Variants in PLXNA2 observed in about 807,000 individuals in gnomAD.
The protein encoded by PLXNA2 is plexin A2.
A neutral mutation model predicts 193.5 loss-of-function variants in PLXNA2; 91 were observed. That is an observed-to-expected ratio of 0.47 (90% CI 0.40 to 0.56). PLXNA2 has a LOEUF of 0.56. Among genes scored for constraint, PLXNA2 ranks in the 20% least tolerant of loss-of-function variants. The probability of loss-of-function intolerance (pLI) is 0.00; values close to 1 mark genes in which losing one functional copy is unlikely to be tolerated. For synonymous variants in PLXNA2, 997 were observed against 1,027.3 expected (o/e 0.97, Z 0.56); for missense variants, 1,995 against 2,503.2 (o/e 0.80, Z 4.33).
At chr1:208,098,747 G>T in intron 6 of PLXNA2, 99 bp downstream of exon 6, 1 of 1,384,272 alleles carries the variant, frequency 7.2e-7, no homozygotes, top group South Asian at 1.4e-5. Flanking sequence ...TTTAAAGTCT[G>T]ATCAATTTAC....
At position 208,137,214 on chromosome 1, in the gene PLXNA2, C is replaced by T. The variant is rs1186273058; in HGVS notation, c.1506+5115G>A. On this transcript the variant is annotated intron_variant, in intron 4 of 31. Transcript: ENST00000367033. ...TTCCCAAGGCCCTTTCCAGTCTGTA[C>T]GGAGCCATTCTCCACTGTGACTCCC... Among the ~76,000 whole-genome samples the T allele has an allele frequency of 5.9e-5, 9 of 152,308 alleles. No homozygotes were observed. In the South Asian group the frequency reaches 1.0e-3, roughly 18 times the overall value.
intron 4 of PLXNA2, among the ~76,000 whole-genome samples, chr1:208,113,140 T>C (rs1667538654): frequency 6.6e-6 from 1 of 151,196 alleles, no homozygotes; most frequent in African/African-American, 2.4e-5. Context: ...GCCTAAGAAA[T>C]AACTAAAACA....
intron 1 of PLXNA2, among the ~76,000 whole-genome samples, chr1:208,235,755 C>T (rs1671830936): frequency 6.6e-6 from 1 of 152,154 alleles, no homozygotes; most frequent in African/African-American, 2.4e-5. Context: ...AAACCTCCTG[C>T]AGGATTGTGC....
intron 13 of PLXNA2, among the ~76,000 whole-genome samples, chr1:208,058,710 G>C (rs673287): frequency 0.14 from 21,467 of 152,174 alleles, 1,924 homozygotes; most frequent in East Asian, 0.3. Flanking sequence ...CATGGGGATT[G>C]TTCCCCTCCC....
intron 9 of PLXNA2, among the ~76,000 whole-genome samples, 195 bp from the exon 10 acceptor site, chr1:208,084,775 A>C (rs1358279116): frequency 6.6e-6 from 1 of 152,194 alleles, no homozygotes; most frequent in African/African-American, 2.4e-5. Flanking sequence ...CCCGTCCCAC[A>C]AGTTGTCCTG....
Position 208,244,256 on chromosome 1 carries a change from C to A in PLXNA2, c.-694G>T. 1 of 189,486 alleles carries A rather than the reference C, an allele frequency of 5.3e-6. No homozygotes were observed. Among genetic ancestry groups the A allele is most frequent in the South Asian group, 8.5e-5 (1 of 11,726 alleles). The allele number at this position is 189,486 out of a possible 1,614,324, so 11.7% of individuals were successfully genotyped here. ...AACTGCCCTCCGCCGCCCTCCCGCT[C>A]CAGTCTGGCGCGGATGCCGCTCCTC... On this transcript the variant is annotated 5_prime_UTR_variant, in exon 1 of 32. Coordinates refer to ENST00000367033, the MANE Select transcript of PLXNA2 (RefSeq NM_025179.4).
chr1:208,171,708 G>C (rs553775959), intron 3 of PLXNA2, among the ~76,000 whole-genome samples: 1 of 152,094 alleles, frequency 6.6e-6, no homozygotes, highest in East Asian at 2.0e-4. Context: ...TTTAAAATTA[G>C]CCAGGCATGA....
chr1:208,052,349 T>G lies in PLXNA2; in HGVS notation c.2971A>C (p.Asn991His). 6.2e-7 allele frequency: 1 copy of G among 1,613,346 alleles called. No individual in the cohort carries two copies. Among genetic ancestry groups the G allele is most frequent in the African/African-American group, 1.3e-5 (1 of 75,024 alleles). ...AGSSVAVYLG[N>H]QTCEFYGRSM... The stretch of plus-strand genomic sequence containing the variant: ...CACCCGTAGAACTCGCAGGTCTGGT[T>G]GCCCAGGTAGACTGCCACGCTGCTC... The change falls in exon 15 of 32, where the codon AAC becomes CAC. Residue 991 changes from asparagine (N) to histidine (H), a missense_variant. Around this residue, in one of 3 missense-constraint regions of PLXNA2, gnomAD observed 1,291 missense variants for 1,673.6 expected, o/e 0.77. Coordinates refer to ENST00000367033, the MANE Select transcript of PLXNA2 (RefSeq NM_025179.4).
chr1:208,075,245 G>T (rs998909986), intron 12 of PLXNA2, among the ~76,000 whole-genome samples: 2 of 152,018 alleles, frequency 1.3e-5, no homozygotes. Flanking sequence ...CGGAGGCGGG[G>T]GTTGTAGTGA....
rs990335529 is a variant in PLXNA2 at position 208,022,379 on chromosome 1, A to C, written c.*4864T>G. On this transcript the variant is annotated 3_prime_UTR_variant, in exon 32 of 32. Coordinates refer to ENST00000367033, the MANE Select transcript of PLXNA2 (RefSeq NM_025179.4). ...TACACAATAATATATTAGAATAACA[A>C]AAAACCCCACTTTATTGGAACATTT... is the stretch of plus-strand genomic sequence containing the variant. The C allele has an allele frequency of 1.3e-5, 2 of 152,618 alleles. No homozygotes were observed. Among genetic ancestry groups the C allele is most frequent in the African/African-American group, 2.4e-5 (1 of 41,446 alleles). 9.5% of individuals were successfully genotyped at this position (152,618 alleles called of 1,614,324 possible). A position where few individuals can be genotyped will look rare whatever the true frequency, so the allele number is the denominator to read the frequency against.
intron 4 of PLXNA2, among the ~76,000 whole-genome samples, chr1:208,124,892 G>A (rs1333360528): frequency 1.3e-5 from 2 of 152,138 alleles, no homozygotes; most frequent in African/African-American, 2.4e-5. Context: ...GCCAGGCACG[G>A]CAGTAATGGT....
chr1:208,195,996 G>A (rs1487801679), intron 3 of PLXNA2, among the ~76,000 whole-genome samples: 1 of 152,002 alleles, frequency 6.6e-6, no homozygotes, highest in Non-Finnish European at 1.5e-5. Flanking sequence ...GGCCTCATGG[G>A]GGAGTCTAGT....
At chr1:208,233,691 C>A (rs1327298633) in intron 1 of PLXNA2, among the ~76,000 whole-genome samples, 1 of 152,264 alleles carries the variant, frequency 6.6e-6, no homozygotes, top group Non-Finnish European at 1.5e-5. Context: ...CGCCTCCCAG[C>A]CAGCACAGTT....
At chr1:208,204,423 C>T (rs1222279861) in intron 3 of PLXNA2, among the ~76,000 whole-genome samples, 1 of 152,166 alleles carries the variant, frequency 6.6e-6, no homozygotes, top group African/African-American at 2.4e-5. Context: ...TACCACCCCA[C>T]CCTCTTCCAG....
chr1:208,196,609 G>T (rs2102574840), intron 3 of PLXNA2, among the ~76,000 whole-genome samples: 1 of 152,282 alleles, frequency 6.6e-6, no homozygotes, highest in Non-Finnish European at 1.5e-5. Flanking sequence ...TTGAATTGGA[G>T]AATGGACTCA....
chr1:208,081,456 G>A (rs1666340360), intron 11 of PLXNA2, among the ~76,000 whole-genome samples: 1 of 152,210 alleles, frequency 6.6e-6, no homozygotes, highest in Non-Finnish European at 1.5e-5. Flanking sequence ...GCTGAGGGTA[G>A]GAGGAGTGTG....
rs376838500 is a variant in PLXNA2, at chr1:208,046,030, G to A, written c.3343C>T (p.Arg1115Cys). Reference protein sequence around the residue: ...DYRPGLDTVERPDEFGFVFNN... With the variant: ...DYRPGLDTVECPDEFGFVFNN... The stretch of plus-strand genomic sequence containing the variant: ...AAGACAAATCCAAACTCATCTGGGC[G>A]TTCCACAGTGTCCAGGCCAGGGCGG... The change falls in exon 18 of 32, where the codon CGC becomes TGC. Residue 1115 changes from arginine (R) to cysteine (C), a missense_variant. Transcript: ENST00000367033. 5.6e-5 allele frequency: 90 copies of A among 1,614,150 alleles called. No individual in the cohort carries two copies. The highest frequency in any genetic ancestry group is 1.6e-4 in the Middle Eastern group (1 of 6,084).
intron 3 of PLXNA2, among the ~76,000 whole-genome samples, chr1:208,186,844 C>T (rs534827974): frequency 4.3e-4 from 65 of 151,214 alleles, no homozygotes; most frequent in African/African-American, 1.4e-3. Flanking sequence ...CTCAGCCTCC[C>T]GAGTAGCTGG....
At position 208,142,357 on chromosome 1, in the gene PLXNA2, C is replaced by T. The variant is rs780752137; in HGVS notation, c.1478G>A (p.Arg493His). 5.0e-5 allele frequency: 80 copies of T among 1,612,798 alleles called. No homozygotes were observed. The highest frequency in any genetic ancestry group is 3.2e-4 in the Admixed American group (19 of 59,776). Residue 493 changes from arginine to histidine, a missense_variant, in exon 4 of 32, where the codon CGC becomes CAC. Physicochemically the swap from Arg to His is conservative, Grantham distance 29 (BLOSUM62 0). This residue lies in a region of PLXNA2 where 702 missense variants were observed against 812.9 expected (regional missense o/e 0.86). Coordinates refer to ENST00000367033, the MANE Select transcript of PLXNA2 (RefSeq NM_025179.4). ...LRDMAFSIDQ[R>H]YLYVMSERQV... is the part of the protein sequence containing the mutation. Reference sequence around the variant, plus strand: ...TCTCTCAGACATGACGTACAGGTAGCGCTGATCAATGGAGAAGGCCATGTC... The same window carrying T: ...TCTCTCAGACATGACGTACAGGTAGTGCTGATCAATGGAGAAGGCCATGTC...
Sources: allele counts gnomAD v4.1 joint callset (sites outside exome capture counted in the v4.1 genomes callset), GRCh38; gene constraint gnomAD v4.1.1; regional missense constraint gnomAD v4.1.1; transcripts MANE v1.5; gene names NCBI Gene and HGNC (gene_info 2026-07-23, HGNC 2026-07-21).